The following L3MBTL4 variants were observed in gnomAD, a reference collection of about 807,000 sequenced individuals.
The protein encoded by L3MBTL4 is lethal(3)malignant brain tumor-like protein 4.
Under a neutral mutation model 84.5 loss-of-function variants are expected in L3MBTL4, and 70 were observed. The ratio of observed to expected loss-of-function variants is 0.83; its 90% CI spans 0.68 to 1.01. The LOEUF is 1.01. L3MBTL4 is among the 50% of genes least tolerant of loss of function. The pLI, the probability that L3MBTL4 is intolerant of heterozygous loss-of-function variation, is 0.00. For missense variants in L3MBTL4, 715 were observed against 754.8 expected (o/e 0.95, Z 0.62); for synonymous variants, 274 against 259.8 (o/e 1.05, Z -0.52).
chr18:6,335,072 C>T (rs904699459), intron 1 of L3MBTL4, among the ~76,000 whole-genome samples: 2 of 152,106 alleles, frequency 1.3e-5, no homozygotes, highest in African/African-American at 2.4e-5. Flanking sequence ...AAATCAATTG[C>T]TCTCTTATTT....
intron 1 of L3MBTL4, among the ~76,000 whole-genome samples, chr18:6,404,117 G>A (rs1417756367): frequency 6.6e-6 from 1 of 151,762 alleles, no homozygotes; most frequent in Non-Finnish European, 1.5e-5. Context: ...AGGAGGGTGG[G>A]GGATAAAAGA....
intron 12 of L3MBTL4, among the ~76,000 whole-genome samples, chr18:6,191,700 G>T (rs1299773189): frequency 6.6e-6 from 1 of 152,134 alleles, no homozygotes; most frequent in Non-Finnish European, 1.5e-5. Context: ...GATATGACTC[G>T]GCATTGGGCT....
intron 16 of L3MBTL4, among the ~76,000 whole-genome samples, chr18:6,055,826 A>G (rs1180864144): frequency 6.6e-6 from 1 of 152,172 alleles, no homozygotes; most frequent in Non-Finnish European, 1.5e-5. Flanking sequence ...GGATCCTTCC[A>G]CTATTATACT....
intron 14 of L3MBTL4, among the ~76,000 whole-genome samples, chr18:6,115,130 T>A (rs776362805): frequency 6.6e-6 from 1 of 152,154 alleles, no homozygotes; most frequent in Non-Finnish European, 1.5e-5. Flanking sequence ...AGAGCTTGAG[T>A]GCAGCTACAG....
chr18:5,966,733 C>T (rs145239620), intron 17 of L3MBTL4, among the ~76,000 whole-genome samples: 16 of 152,180 alleles, frequency 1.1e-4, no homozygotes, highest in Middle Eastern at 6.9e-3. Context: ...CTGGACTTTG[C>T]CCCAAATTTC....
intron 16 of L3MBTL4, among the ~76,000 whole-genome samples, chr18:6,008,990 A>G (rs1567977591): frequency 6.6e-6 from 1 of 152,328 alleles, no homozygotes; most frequent in South Asian, 2.1e-4. Context: ...TTGTCCAGCT[A>G]TAAATACCAG....
chr18:6,063,532 T>C (rs998196041), intron 16 of L3MBTL4, among the ~76,000 whole-genome samples: 3 of 151,798 alleles, frequency 2.0e-5, no homozygotes, highest in Non-Finnish European at 4.4e-5. Context: ...ACATCTATTG[T>C]TTTTTTGACT....
intron 5 of L3MBTL4, among the ~76,000 whole-genome samples, chr18:6,245,623 T>C (rs2047629676): frequency 6.8e-6 from 1 of 147,170 alleles, no homozygotes; most frequent in Admixed American, 6.9e-5. Context: ...AAGGTCTCAC[T>C]CTGTCACCCA....
intron 15 of L3MBTL4, among the ~76,000 whole-genome samples, chr18:6,084,091 T>C (rs1010333334): frequency 2.5e-4 from 38 of 152,190 alleles, no homozygotes; most frequent in African/African-American, 8.7e-4. Context: ...AAAAGGCAAG[T>C]TAAGGAGTCT....
intron 13 of L3MBTL4, among the ~76,000 whole-genome samples, chr18:6,167,776 G>A (rs867331006): frequency 9.8e-5 from 15 of 152,302 alleles, no homozygotes; most frequent in African/African-American, 3.4e-4. Flanking sequence ...ACAAGACAGG[G>A]ATGCCCTCTC....
At position 6,048,750 on chromosome 18, in the gene L3MBTL4, C is replaced by T. The variant is rs533049150; in HGVS notation, c.1444+32131G>A. Among the ~76,000 whole-genome samples, 700 of 150,790 alleles carry T rather than the reference C, an allele frequency of 4.6e-3. 5 individuals are homozygous for T. The highest frequency in any genetic ancestry group is 0.016 in the African/African-American group (656 of 40,784). On this transcript the variant is annotated intron_variant, in intron 16 of 18. Transcript: ENST00000317931. ...GCTGCAGTGAGCCAAGATCACACCACTGCACTCCAGCCTGGGCAACCGAGT... is the reference window on the plus strand; with the variant it reads ...GCTGCAGTGAGCCAAGATCACACCATTGCACTCCAGCCTGGGCAACCGAGT...
chr18:6,170,479 C>T (rs1226887031), intron 13 of L3MBTL4, among the ~76,000 whole-genome samples: 1 of 152,056 alleles, frequency 6.6e-6, no homozygotes, highest in East Asian at 1.9e-4. Context: ...TCTGGAATGG[C>T]AACTTAGGAA....
At chr18:6,345,421 C>A (rs117823896) in intron 1 of L3MBTL4, among the ~76,000 whole-genome samples, 14,300 of 149,716 alleles carry the variant, frequency 0.096, 753 homozygotes, top group Middle Eastern at 0.14. Context: ...AACAAACAAA[C>A]AAAAAAAACC....
At chr18:6,412,043 GGTAAACTT>G (rs1443626484) in intron 1 of L3MBTL4, among the ~76,000 whole-genome samples, 3 of 151,946 alleles carry the variant, frequency 2.0e-5, no homozygotes, top group Admixed American at 2.0e-4. Flanking sequence ...TGGTTACATA[GGTAAACTT>G]GTTTCCTGGG....
At chr18:6,390,729 G>A (rs571365708) in intron 1 of L3MBTL4, among the ~76,000 whole-genome samples, 133 of 152,216 alleles carry the variant, frequency 8.7e-4, no homozygotes, top group South Asian at 4.3e-3. Context: ...AAAATCTAGA[G>A]GAAATGGATA....
At position 6,004,996 on chromosome 18, in the gene L3MBTL4, AATT is replaced by A. The variant is rs1223479205; in HGVS notation, c.1445-35437_1445-35435del. Among the ~76,000 whole-genome samples, 50 of 42,014 alleles carry A rather than the reference AATT, an allele frequency of 1.2e-3. 1 individual carries two copies. The highest frequency in any genetic ancestry group is 2.7e-3 in the African/African-American group (49 of 17,836). The allele number at this position is 42,014 out of a possible 152,430, so 27.6% of individuals were successfully genotyped here. On this transcript the variant is annotated intron_variant, in intron 16 of 18. Transcript: ENST00000317931. ...TACACATAAAAATGGTTAAGATGAT[AATT>A]TTTTTTTTTTTTTTTTTTTTTTTTT...
At chr18:6,070,653 C>T (rs1481967343) in intron 16 of L3MBTL4, among the ~76,000 whole-genome samples, 1 of 149,542 alleles carries the variant, frequency 6.7e-6, no homozygotes, top group Non-Finnish European at 1.5e-5. Context: ...CCCATCTTTA[C>T]AAAAAACAAA....
intron 1 of L3MBTL4, among the ~76,000 whole-genome samples, chr18:6,400,897 C>T (rs2055483399): frequency 6.6e-6 from 1 of 152,146 alleles, no homozygotes; most frequent in Non-Finnish European, 1.5e-5. Flanking sequence ...GAGCAGACAG[C>T]AACTGACGCA....
chr18:6,165,903 A>G (rs1294645509), intron 13 of L3MBTL4, among the ~76,000 whole-genome samples: 10 of 152,212 alleles, frequency 6.6e-5, no homozygotes, highest in Admixed American at 6.5e-4. Flanking sequence ...ATAAACAGTC[A>G]AGACCCATCA....
Sources: gnomAD v4.1 joint callset for allele counts (sites outside exome capture counted in the v4.1 genomes callset) on GRCh38, gnomAD v4.1.1 for gene constraint, MANE v1.5 for transcripts, NCBI Gene and HGNC (gene_info 2026-07-23, HGNC 2026-07-21) for gene names.